YWHAQ: variants seen among roughly 807,000 people sequenced by gnomAD.
YWHAQ encodes tyrosine 3-monooxygenase/tryptophan 5-monooxygenase activation protein theta.
In YWHAQ, 6 loss-of-function variants were observed where a neutral mutation model predicts 28.3. The ratio of observed to expected loss-of-function variants is 0.21; its 90% CI spans 0.12 to 0.42. The LOEUF (loss-of-function observed/expected upper bound fraction) is 0.42. Ranked by LOEUF, YWHAQ falls within the 10% of genes least tolerant of loss-of-function variation. YWHAQ has a pLI of 1.00. For missense variants in YWHAQ, 201 were observed against 305.6 expected (o/e 0.66, Z 2.55); for synonymous variants, 143 against 119.1 (o/e 1.20, Z -1.31).
chr2:9,590,928 T>C (rs1421698969), intron 3 of YWHAQ, among the ~76,000 whole-genome samples: 1 of 152,208 alleles, frequency 6.6e-6, no homozygotes, highest in Non-Finnish European at 1.5e-5. Context: ...GCAGTCAATG[T>C]TATGACCCCT....
chr2:9,628,231 T>C (rs959670331), intron 2 of YWHAQ, among the ~76,000 whole-genome samples: 1 of 152,226 alleles, frequency 6.6e-6, no homozygotes, highest in Non-Finnish European at 1.5e-5. Flanking sequence ...ATTTCATTTA[T>C]GCCTTGGTGT....
chr2:9,626,933 G>A (rs998852200), intron 2 of YWHAQ, among the ~76,000 whole-genome samples: 4 of 152,192 alleles, frequency 2.6e-5, no homozygotes, highest in African/African-American at 9.7e-5. Context: ...GCTAGGACCT[G>A]CATTACTCTA....
intron 2 of YWHAQ, among the ~76,000 whole-genome samples, chr2:9,619,848 G>T (rs900541614): frequency 6.6e-6 from 1 of 152,152 alleles, no homozygotes; most frequent in Non-Finnish European, 1.5e-5. Context: ...TGAAAGATCA[G>T]AACACCTAGT....
chr2:9,610,451 T>TAC (rs1367258824), intron 2 of YWHAQ, among the ~76,000 whole-genome samples: 2 of 152,152 alleles, frequency 1.3e-5, no homozygotes, highest in East Asian at 3.8e-4. Context: ...TTCTCTTACA[T>TAC]ACCATACCAA....
rs369470995 is a variant in YWHAQ, at chr2:9,585,260, A to C, written c.*26T>G. 58 of 1,613,568 alleles carry C rather than the reference A, an allele frequency of 3.6e-5. No homozygotes were observed. The highest frequency in any genetic ancestry group is 4.7e-5 in the Non-Finnish European group (55 of 1,179,810). On this transcript the variant is annotated 3_prime_UTR_variant, in exon 6 of 6. Transcript: ENST00000238081. ...GATGTGTAAAAAGGTTTCTTGAAGG[A>C]AAGAAGGATGACACCCTGTATGGAT...
chr2:9,587,328 T>G, intron 5 of YWHAQ, 86 bp downstream of exon 5: 1 of 1,199,130 alleles, frequency 8.3e-7, no homozygotes, highest in Non-Finnish European at 1.2e-6. Flanking sequence ...CGTATGTATC[T>G]TCCCTAAAAG....
At chr2:9,624,964 G>A (rs1403785625) in intron 2 of YWHAQ, among the ~76,000 whole-genome samples, 2 of 151,726 alleles carry the variant, frequency 1.3e-5, no homozygotes, top group East Asian at 1.9e-4. Context: ...GGCTGGTCTC[G>A]AACTCCTGAC....
Position 9,603,270 on chromosome 2 carries a change from ATTT to A in YWHAQ, c.295-11758_295-11756del, listed in dbSNP as rs149708531. On this transcript the variant is annotated intron_variant, in intron 2 of 5. Transcript: ENST00000238081. ...AAAACAAAGTACAATTCTCCCTTGA[ATTT>A]TTTTTTTTTTTTTTGAGCTGGAGTC... Among the ~76,000 whole-genome samples, 221 of 128,722 alleles carry A rather than the reference ATTT, an allele frequency of 1.7e-3. 1 individual carries two copies. Among genetic ancestry groups the A allele is most frequent in the African/African-American group, 6.4e-3 (206 of 32,238 alleles). The allele number at this position is 128,722 out of a possible 152,430, so 84.4% of individuals were successfully genotyped here. A position where few individuals can be genotyped will look rare whatever the true frequency, so the allele number is the denominator to read the frequency against.
intron 2 of YWHAQ, among the ~76,000 whole-genome samples, chr2:9,605,974 C>T (rs931870825): frequency 9.2e-5 from 14 of 152,150 alleles, no homozygotes; most frequent in Admixed American, 3.9e-4. Context: ...ATTTAGTAAG[C>T]GCTCTGAGAT....
chr2:9,602,681 G>A (rs1359021680), intron 2 of YWHAQ, among the ~76,000 whole-genome samples: 5 of 150,618 alleles, frequency 3.3e-5, no homozygotes, highest in East Asian at 2.0e-4. Flanking sequence ...ATAGGCACAG[G>A]CTACCACGCC....
At chr2:9,624,542 G>A (rs985739989) in intron 2 of YWHAQ, among the ~76,000 whole-genome samples, 3 of 152,018 alleles carry the variant, frequency 2.0e-5, no homozygotes, top group African/African-American at 7.3e-5. Context: ...TGGGGTCTTC[G>A]TTGGGGAGTG....
At chr2:9,625,636 G>T (rs1667233977) in intron 2 of YWHAQ, among the ~76,000 whole-genome samples, 2 of 152,214 alleles carry the variant, frequency 1.3e-5, no homozygotes, top group Admixed American at 1.3e-4. Flanking sequence ...ACTTCTTTAT[G>T]CCTCATTTTC....
chr2:9,607,775 A>G (rs1666862537), intron 2 of YWHAQ, among the ~76,000 whole-genome samples: 2 of 145,384 alleles, frequency 1.4e-5, no homozygotes, highest in African/African-American at 5.2e-5. Context: ...GCAGTGGCAT[A>G]ATCTCGGCTC....
In YWHAQ at chr2:9,630,393, G is replaced by C. The variant is rs770667690; in HGVS notation, c.60C>G (p.Asp20Glu). The C allele has an allele frequency of 1.1e-5, 18 of 1,613,708 alleles. No individual in the cohort carries two copies. Among genetic ancestry groups the C allele is most frequent in the Non-Finnish European group, 1.4e-5 (17 of 1,180,020 alleles). Residue 20 changes from aspartate (D) to glutamate (E), a missense_variant, in exon 2 of 6, where the codon GAC becomes GAG. Asp to Glu is a conservative substitution (Grantham distance 45). Transcript: ENST00000238081. The surrounding 1 kb of genome is among the most constrained non-coding windows in gnomAD (Gnocchi z 5.6). ...AKLAEQAERY[D>E]DMATCMKAVT... ...CTGCCTTCATGCAGGTGGCCATGTCGTCGTAGCGCTCGGCCTGCTCGGCCA... is the reference window on the plus strand; with the variant it reads ...CTGCCTTCATGCAGGTGGCCATGTCCTCGTAGCGCTCGGCCTGCTCGGCCA...
intron 2 of YWHAQ, among the ~76,000 whole-genome samples, chr2:9,608,830 C>T (rs1666888635): frequency 1.3e-5 from 2 of 152,286 alleles, no homozygotes; most frequent in Middle Eastern, 3.4e-3. Flanking sequence ...ATCCCAGCTA[C>T]TCAGGAGGCT....
chr2:9,628,487 C>T (rs934114113), intron 2 of YWHAQ, among the ~76,000 whole-genome samples: 2 of 150,690 alleles, frequency 1.3e-5, no homozygotes, highest in African/African-American at 4.8e-5. Context: ...TCACCTTGCT[C>T]GAGAACAAGA....
chr2:9,598,713 T>C (rs956868976), intron 2 of YWHAQ, among the ~76,000 whole-genome samples: 3 of 152,230 alleles, frequency 2.0e-5, no homozygotes, highest in East Asian at 3.9e-4. Context: ...TTAATCGATA[T>C]ATGCTGTGTC....
intron 2 of YWHAQ, among the ~76,000 whole-genome samples, chr2:9,597,158 C>T (rs534612250): frequency 1.3e-5 from 2 of 152,252 alleles, no homozygotes; most frequent in Non-Finnish European, 2.9e-5. Context: ...TCAGAAACTA[C>T]CATTTTATGA....
rs1337796173 is a variant in YWHAQ at position 9,630,871 on chromosome 2, G to A, written c.-83+70C>T. 2 of 152,578 alleles carry A rather than the reference G, an allele frequency of 1.3e-5. No homozygotes were observed. The highest frequency in any genetic ancestry group is 6.5e-5 in the Admixed American group (1 of 15,282). The allele number at this position is 152,578 out of a possible 1,614,324, so 9.5% of individuals were successfully genotyped here. A position where few individuals can be genotyped will look rare whatever the true frequency, so the allele number is the denominator to read the frequency against. ...CATCGACAACCGGCTGCTCTCAAGGGCGGCACCTCCGCCCGGCCCTCAATC... is the reference window on the plus strand; with the variant it reads ...CATCGACAACCGGCTGCTCTCAAGGACGGCACCTCCGCCCGGCCCTCAATC... On this transcript the variant is annotated intron_variant, in intron 1 of 5. Transcript: ENST00000238081. This position sits in a 1 kb window ranked among gnomAD's most constrained non-coding sequence, Gnocchi z 5.6.
Sources: gnomAD v4.1 joint callset for allele counts (sites outside exome capture counted in the v4.1 genomes callset) on GRCh38, gnomAD v4.1.1 for gene constraint, Gnocchi (gnomAD v3.1) non-coding constraint, MANE v1.5 for transcripts, NCBI Gene and HGNC (gene_info 2026-07-23, HGNC 2026-07-21) for gene names.